The following C21orf91 variants were observed in gnomAD, a reference collection of about 807,000 sequenced individuals.
C21orf91 encodes the protein chromosome 21 open reading frame 91.
A neutral mutation model predicts 32.9 loss-of-function variants in C21orf91; 26 were observed. The ratio of observed to expected loss-of-function variants is 0.79; its 90% CI spans 0.58 to 1.10. The LOEUF (loss-of-function observed/expected upper bound fraction) is 1.10, where lower values mean the gene tolerates loss of function less well. Ranked by LOEUF, C21orf91 falls within the 50% of genes least tolerant of loss-of-function variation. The pLI, the probability that C21orf91 is intolerant of heterozygous loss-of-function variation, is 0.00. For synonymous variants in C21orf91, 126 were observed against 120.4 expected (o/e 1.05, Z -0.31); for missense variants, 310 against 341.3 (o/e 0.91, Z 0.72).
Position 17,793,518 on chromosome 21 carries a change from A to C in C21orf91, c.791T>G (p.Val264Gly), listed in dbSNP as rs2062494051. The change falls in exon 5 of 5, where the codon GTC becomes GGC. Residue 264 changes from valine (V) to glycine (G), a missense_variant. Physicochemically the swap from Val to Gly is moderately radical, Grantham distance 109 (BLOSUM62 -3). Coordinates refer to ENST00000284881, the MANE Select transcript of C21orf91 (RefSeq NM_001100420.2). Reference sequence around the variant, plus strand: ...AAGCTGTTCGATGGCAACGTGGCGGACATGGAGCTGTGAGGCCAAAGAATC... The same window carrying C: ...AAGCTGTTCGATGGCAACGTGGCGGCCATGGAGCTGTGAGGCCAAAGAATC... ...EKDSLASQLH[V>G]RHVAIEQLLK... The C allele has an allele frequency of 6.2e-7, 1 of 1,613,634 alleles. No homozygotes were observed. The highest frequency in any genetic ancestry group is 8.5e-7 in the Non-Finnish European group (1 of 1,179,764).
intron 2 of C21orf91, among the ~76,000 whole-genome samples, chr21:17,808,139 GC>G (rs1303481220): frequency 1.3e-5 from 2 of 152,192 alleles, no homozygotes; most frequent in Non-Finnish European, 2.9e-5. Context: ...CATGGCCTGG[GC>G]CCAGGGCCCT....
intron 2 of C21orf91, among the ~76,000 whole-genome samples, chr21:17,809,490 C>T (rs1158666028): frequency 6.6e-6 from 1 of 152,046 alleles, no homozygotes; most frequent in Non-Finnish European, 1.5e-5. Context: ...AACAGAGTAG[C>T]AATTATCATT....
intron 3 of C21orf91, 52 bp from the exon 4 acceptor site, chr21:17,795,322 C>A: frequency 8.7e-7 from 1 of 1,152,640 alleles, no homozygotes; most frequent in Non-Finnish European, 1.3e-6. Context: ...GGAAAACATG[C>A]TGCTTACATC....
chr21:17,812,971 T>C (rs1345972486), intron 2 of C21orf91, among the ~76,000 whole-genome samples: 1 of 152,216 alleles, frequency 6.6e-6, no homozygotes, highest in African/African-American at 2.4e-5. Context: ...TAAATCTGTG[T>C]TCTTTATAAA....
rs1183845095 is a variant in C21orf91 at position 17,793,564 on chromosome 21, T to C, written c.745A>G (p.Thr249Ala). 1.2e-6 allele frequency: 2 copies of C among 1,609,486 alleles called. No individual in the cohort carries two copies. The highest frequency in any genetic ancestry group is 1.7e-6 in the Non-Finnish European group (2 of 1,177,808). The change falls in exon 5 of 5, where the codon ACT becomes GCT. Residue 249 changes from threonine to alanine, a missense_variant. Transcript: ENST00000284881. ...GAATCTTTTTCTTGCACTTGGTGAG[T>C]TAACTCTTCAAAAACTTCTGTAAAA... ...QQIQEVFEEL[T>A]HQVQEKDSLA... is the part of the protein sequence containing the mutation.
At chr21:17,809,349 T>C (rs2062617978) in intron 2 of C21orf91, among the ~76,000 whole-genome samples, 1 of 152,220 alleles carries the variant, frequency 6.6e-6, no homozygotes, top group South Asian at 2.1e-4. Context: ...TTAAAGATAC[T>C]GAAGATCCTC....
At chr21:17,805,344 G>C (rs1037538248) in intron 2 of C21orf91, among the ~76,000 whole-genome samples, 12 of 152,088 alleles carry the variant, frequency 7.9e-5, no homozygotes, top group African/African-American at 2.7e-4. Flanking sequence ...ATGGAGTTTT[G>C]CTTTTGTCAC....
chr21:17,803,477 CTCTA>C (rs2062575703), intron 2 of C21orf91, among the ~76,000 whole-genome samples: 1 of 152,116 alleles, frequency 6.6e-6, no homozygotes, highest in Non-Finnish European at 1.5e-5. Context: ...CGCCTCTACA[CTCTA>C]TCTAGCCTGG....
intron 2 of C21orf91, among the ~76,000 whole-genome samples, chr21:17,812,870 T>A (rs2062641959): frequency 6.6e-6 from 1 of 151,988 alleles, no homozygotes; most frequent in Non-Finnish European, 1.5e-5. Context: ...TGAGTTTAGC[T>A]CTCTCTTGAC....
At chr21:17,813,780 A>G (rs1419511788) in intron 2 of C21orf91, 1 of 152,220 alleles carries the variant, frequency 6.6e-6, no homozygotes, top group East Asian at 1.9e-4. Context: ...AGGTGTTCAA[A>G]AAGTTTTAGA....
rs3216131 is a variant in C21orf91 at position 17,790,124 on chromosome 21, AGTAACCCACTTTATG to A, written c.*3276_*3290del. The A allele has an allele frequency of 9.9e-5, 15 of 152,250 alleles. No homozygotes were observed. In the East Asian group the frequency reaches 2.3e-3, roughly 23 times the overall value. 9.4% of individuals were successfully genotyped at this position (152,250 alleles called of 1,614,324 possible). ...GTACCATTTCAAATTTTCATGTACA[AGTAACCCACTTTATG>A]GTCACTAACCTGAACCTCCTAATAA... On this transcript the variant is annotated 3_prime_UTR_variant, in exon 5 of 5. Transcript: ENST00000284881.
At chr21:17,795,781 A>AT (rs34331735) in intron 3 of C21orf91, among the ~76,000 whole-genome samples, 3 of 152,056 alleles carry the variant, frequency 2.0e-5, no homozygotes, top group Non-Finnish European at 2.9e-5. Context: ...CCAGAAACAT[A>AT]TTTTTTATCA....
intron 2 of C21orf91, among the ~76,000 whole-genome samples, chr21:17,808,428 G>A (rs961149154): frequency 2.6e-5 from 4 of 152,224 alleles, no homozygotes; most frequent in African/African-American, 9.6e-5. Context: ...CATCTACTAA[G>A]GCAGTGCAGA....
intron 2 of C21orf91, among the ~76,000 whole-genome samples, chr21:17,812,762 C>T (rs957304339): frequency 1.3e-5 from 2 of 151,842 alleles, no homozygotes; most frequent in Non-Finnish European, 2.9e-5. Context: ...TGAGCCGAGA[C>T]TGCACCACTG....
rs1221836094 is a variant in C21orf91, at chr21:17,792,534, A to G, written c.*881T>C. The G allele has an allele frequency of 6.6e-6, 1 of 152,122 alleles. No homozygotes were observed. Among genetic ancestry groups the G allele is most frequent in the African/African-American group, 2.4e-5 (1 of 41,432 alleles). The allele number at this position is 152,122 out of a possible 1,614,324, so 9.4% of individuals were successfully genotyped here. On this transcript the variant is annotated 3_prime_UTR_variant, in exon 5 of 5. Coordinates refer to ENST00000284881, the MANE Select transcript of C21orf91 (RefSeq NM_001100420.2). ...CACACTCAATTTGAAGATAGACATT[A>G]TATTTGAATTGGAAGTGAGGCTTGA...
At chr21:17,793,617 C>G (rs770699669) in intron 4 of C21orf91, 36 bp from the exon 5 acceptor site, 23 of 1,419,100 alleles carry the variant, frequency 1.6e-5, no homozygotes, top group Non-Finnish European at 2.2e-5. Flanking sequence ...TTTTAGTATG[C>G]AGAAAGCCGG....
At chr21:17,814,792 C>T (rs1413080925) in intron 2 of C21orf91, among the ~76,000 whole-genome samples, 1 of 152,192 alleles carries the variant, frequency 6.6e-6, no homozygotes, top group Non-Finnish European at 1.5e-5. Flanking sequence ...TAATACCAGT[C>T]TCTGCCTAGA....
In C21orf91 at chr21:17,792,223, G is replaced by C. The variant is rs1259506598; in HGVS notation, c.*1192C>G. The C allele has an allele frequency of 6.6e-6, 1 of 152,066 alleles. No homozygotes were observed. The allele number at this position is 152,066 out of a possible 1,614,324, so 9.4% of individuals were successfully genotyped here. A position where few individuals can be genotyped will look rare whatever the true frequency, so the allele number is the denominator to read the frequency against. On this transcript the variant is annotated 3_prime_UTR_variant, in exon 5 of 5. Coordinates refer to ENST00000284881, the MANE Select transcript of C21orf91 (RefSeq NM_001100420.2). ...TCTAGCTGTTTGGCACAATCTGTTA[G>C]ATAAAAACTCTTTGGAAGCATCATA...
At chr21:17,804,400 A>C (rs1339511890) in intron 2 of C21orf91, among the ~76,000 whole-genome samples, 1 of 152,232 alleles carries the variant, frequency 6.6e-6, no homozygotes, top group Non-Finnish European at 1.5e-5. Flanking sequence ...AAGTACTGTG[A>C]TAAAGAGTAC....
Sources: gnomAD v4.1 joint callset for allele counts (sites outside exome capture counted in the v4.1 genomes callset) on GRCh38, gnomAD v4.1.1 for gene constraint, MANE v1.5 for transcripts, NCBI Gene and HGNC (gene_info 2026-07-23, HGNC 2026-07-21) for gene names.